SFXN5: variants seen among roughly 807,000 people sequenced by gnomAD.
SFXN5 encodes sideroflexin-5.
A neutral mutation model predicts 50.2 loss-of-function variants in SFXN5; 43 were observed. The observed-to-expected ratio is 0.86, with a 90% CI of 0.67 to 1.11. The LOEUF (loss-of-function observed/expected upper bound fraction) is 1.11, where lower values mean the gene tolerates loss of function less well. Among genes scored for constraint, SFXN5 ranks in the 50% least tolerant of loss-of-function variants. The probability of loss-of-function intolerance (pLI) is 0.00; values close to 1 mark genes in which losing one functional copy is unlikely to be tolerated. For synonymous variants in SFXN5, 203 were observed against 185.8 expected (o/e 1.09, Z -0.75); for missense variants, 463 against 454.1 (o/e 1.02, Z -0.18).
In SFXN5 at chr2:72,961,563, G is replaced by T. The variant is rs1296074795; in HGVS notation, c.828-315C>A. The stretch of plus-strand genomic sequence containing the variant: ...ACGCGTCCAGCCCCGTGCCAAGAAG[G>T]CCCTATGTGGGAGAGACACTCAAAG... On this transcript the variant is annotated intron_variant, in intron 12 of 13. Coordinates refer to ENST00000272433, the MANE Select transcript of SFXN5 (RefSeq NM_144579.3). The surrounding 1 kb of genome is among the most constrained non-coding windows in gnomAD (Gnocchi z 4.4). Among the ~76,000 whole-genome samples the T allele has an allele frequency of 6.6e-6, 1 of 152,194 alleles. No homozygotes were observed. The highest frequency in any genetic ancestry group is 2.4e-5 in the African/African-American group (1 of 41,456).
intron 6 of SFXN5, among the ~76,000 whole-genome samples, chr2:73,011,983 C>T (rs1675558395): frequency 6.6e-6 from 1 of 152,166 alleles, no homozygotes. Flanking sequence ...AACCTCAACC[C>T]ATCACACTGG....
intron 6 of SFXN5, among the ~76,000 whole-genome samples, chr2:73,017,584 G>A (rs987945827): frequency 5.9e-5 from 9 of 152,206 alleles, no homozygotes; most frequent in African/African-American, 2.2e-4. Flanking sequence ...TGGTATTGAT[G>A]TAGCAATTCT....
At chr2:73,042,837 G>A (rs955557720) in intron 2 of SFXN5, among the ~76,000 whole-genome samples, 2 of 151,066 alleles carry the variant, frequency 1.3e-5, no homozygotes, top group Non-Finnish European at 3.0e-5. Context: ...GTAATCCCAG[G>A]ACTTTGGGAG....
intron 2 of SFXN5, among the ~76,000 whole-genome samples, chr2:73,055,198 C>T (rs770835839): frequency 7.2e-5 from 11 of 152,272 alleles, no homozygotes; most frequent in Non-Finnish European, 1.3e-4. Flanking sequence ...GCCCACGTGA[C>T]GGCCAGGGCC....
At chr2:73,036,393 G>A (rs1308719091) in intron 3 of SFXN5, among the ~76,000 whole-genome samples, 2 of 152,184 alleles carry the variant, frequency 1.3e-5, no homozygotes, top group Admixed American at 1.3e-4. Flanking sequence ...GGGGGCCATA[G>A]TGGCAGGCTC....
intron 3 of SFXN5, among the ~76,000 whole-genome samples, chr2:73,024,808 A>G (rs370924747): frequency 6.6e-6 from 1 of 152,230 alleles, no homozygotes; most frequent in Admixed American, 6.5e-5. Context: ...GTATATGGCA[A>G]TGTTGGTCAT....
chr2:72,998,805 G>T lies in SFXN5; in HGVS notation c.534+144C>A, dbSNP rs1042675506. On this transcript the variant is annotated intron_variant, in intron 9 of 13. Coordinates refer to ENST00000272433, the MANE Select transcript of SFXN5 (RefSeq NM_144579.3). ...CTGGAGCCTCTTCTCGGCTTGGAAA[G>T]CCTGTCCTGACTCCTCCACCCACAG... The T allele has an allele frequency of 2.2e-5, 18 of 811,802 alleles. No homozygotes were observed. The East Asian group carries it at 2.7e-4, about 12-fold the overall frequency. The allele number at this position is 811,802 out of a possible 1,614,324, so 50.3% of individuals were successfully genotyped here.
At chr2:73,033,303 C>T (rs1383304124) in intron 3 of SFXN5, among the ~76,000 whole-genome samples, 1 of 152,194 alleles carries the variant, frequency 6.6e-6, no homozygotes, top group Admixed American at 6.5e-5. Flanking sequence ...AAAATCTCTG[C>T]TTTTGTTGAG....
chr2:72,977,136 C>G (rs911617282), intron 10 of SFXN5, among the ~76,000 whole-genome samples: 5 of 152,194 alleles, frequency 3.3e-5, no homozygotes, highest in African/African-American at 1.2e-4. Context: ...CCTCTGGACA[C>G]TGGGTCCAGA....
chr2:73,058,857 C>G (rs954114980), intron 1 of SFXN5, among the ~76,000 whole-genome samples: 1 of 152,100 alleles, frequency 6.6e-6, no homozygotes, highest in African/African-American at 2.4e-5. Flanking sequence ...ATTTTCCCCT[C>G]TCTCTCCCAG....
At chr2:73,004,256 G>A (rs1478371952) in intron 6 of SFXN5, among the ~76,000 whole-genome samples, 7 of 150,326 alleles carry the variant, frequency 4.7e-5, no homozygotes, top group Non-Finnish European at 1.0e-4. Flanking sequence ...CTGCTTCTAC[G>A]TACCAAGTTC....
intron 2 of SFXN5, among the ~76,000 whole-genome samples, chr2:73,051,712 C>T (rs535188758): frequency 2.6e-5 from 4 of 152,150 alleles, no homozygotes; most frequent in Non-Finnish European, 5.9e-5. Context: ...ATACCACAGG[C>T]GGGTAATTTA....
At chr2:73,010,861 T>A (rs1434667910) in intron 6 of SFXN5, among the ~76,000 whole-genome samples, 3 of 152,174 alleles carry the variant, frequency 2.0e-5, no homozygotes, top group Non-Finnish European at 4.4e-5. Context: ...TATGAAAACA[T>A]ATCAGATATA....
intron 13 of SFXN5, among the ~76,000 whole-genome samples, chr2:72,948,837 C>T (rs1322731998): frequency 6.6e-6 from 1 of 152,220 alleles, no homozygotes; most frequent in Non-Finnish European, 1.5e-5. Flanking sequence ...TCAATCCACC[C>T]TCCTGTCAGC....
At chr2:73,007,069 C>T (rs1444078519) in intron 6 of SFXN5, among the ~76,000 whole-genome samples, 2 of 152,120 alleles carry the variant, frequency 1.3e-5, no homozygotes, top group African/African-American at 2.4e-5. Context: ...GAGAGAGGCA[C>T]CCCCAAATAT....
In SFXN5 at chr2:72,956,094, G is replaced by A. The variant is rs753214236; in HGVS notation, c.945+5037C>T. 3.9e-5 allele frequency among the ~76,000 whole-genome samples: 6 copies of A among 152,348 alleles called. No individual in the cohort carries two copies. The East Asian group carries it at 9.6e-4, about 24-fold the overall frequency. On this transcript the variant is annotated intron_variant, in intron 13 of 13. Transcript: ENST00000272433. ...AATGGGAAAGTGCCCAGGCTCCATG[G>A]GGCAGAGAGCAGATTCTGGGTGTGA...
At chr2:73,059,149 G>A in intron 1 of SFXN5, 4 of 986,310 alleles carry the variant, frequency 4.1e-6, no homozygotes, top group Non-Finnish European at 4.8e-6. Flanking sequence ...GCAGGACAAG[G>A]GGCAGCTCCC....
At position 73,047,251 on chromosome 2, in the gene SFXN5, T is replaced by TATATATATATATATATATATATACACAC. The variant is rs1559199606; in HGVS notation, c.172-6321_172-6320insGTGTGTATATATATATATATATATATAT. Among the ~76,000 whole-genome samples the TATATATATATATATATATATATACACAC allele has an allele frequency of 5.4e-3, 149 of 27,384 alleles. 1 individual carries two copies. Among genetic ancestry groups the TATATATATATATATATATATATACACAC allele is most frequent in the Non-Finnish European group, 9.8e-3 (123 of 12,560 alleles). 18.0% of individuals were successfully genotyped at this position (27,384 alleles called of 152,430 possible). A position where few individuals can be genotyped will look rare whatever the true frequency, so the allele number is the denominator to read the frequency against. ...AAAAAAAAAAAAAAAAAAAAATATA[T>TATATATATATATATATATATATACACAC]ATATATATATATATATATATATATA... On this transcript the variant is annotated intron_variant, in intron 2 of 13. Transcript: ENST00000272433.
rs112844917 is a variant in SFXN5 at position 73,000,406 on chromosome 2, C to G, written c.468+25G>C. ...GGCCTCCCTAGCCTGAACCCCACCACTGGGGAGAGGGCAGTGATGCTCACC... is the reference window on the plus strand; with the variant it reads ...GGCCTCCCTAGCCTGAACCCCACCAGTGGGGAGAGGGCAGTGATGCTCACC... On this transcript the variant is annotated intron_variant, in intron 8 of 13. Transcript: ENST00000272433. The G allele has an allele frequency of 1.0e-3, 1,592 of 1,552,490 alleles. 11 individuals are homozygous for G. In the African/African-American group the frequency reaches 0.011, roughly 10 times the overall value.
Sources: gnomAD v4.1 joint callset for allele counts (sites outside exome capture counted in the v4.1 genomes callset) on GRCh38, gnomAD v4.1.1 for gene constraint, Gnocchi (gnomAD v3.1) non-coding constraint, MANE v1.5 for transcripts, NCBI Gene and HGNC (gene_info 2026-07-23, HGNC 2026-07-21) for gene names.